The following MMP16 variants were observed in gnomAD, a reference collection of about 807,000 sequenced individuals.
The protein encoded by MMP16 is matrix metalloproteinase-16.
Under a neutral mutation model 67.8 loss-of-function variants are expected in MMP16, and 12 were observed. That is an observed-to-expected ratio of 0.18 (90% CI 0.11 to 0.29). The LOEUF is 0.29. Among genes scored for constraint, MMP16 ranks in the 10% least tolerant of loss-of-function variants. MMP16 has a pLI of 1.00. For missense variants in MMP16, 475 were observed against 765.7 expected (o/e 0.62, Z 4.48); for synonymous variants, 249 against 255.9 (o/e 0.97, Z 0.26).
At chr8:88,196,677 C>T (rs911188645) in intron 2 of MMP16, among the ~76,000 whole-genome samples, 1 of 152,148 alleles carries the variant, frequency 6.6e-6, no homozygotes, top group African/African-American at 2.4e-5. Flanking sequence ...AAACTGTTAA[C>T]TGGCTCTCTG....
At chr8:88,086,456 T>C (rs541653052) in intron 6 of MMP16, among the ~76,000 whole-genome samples, 3 of 152,022 alleles carry the variant, frequency 2.0e-5, no homozygotes, top group South Asian at 2.1e-4. Context: ...TTCAAAAATA[T>C]GAACTCTTTG....
intron 6 of MMP16, among the ~76,000 whole-genome samples, 200 bp from the exon 7 acceptor site, chr8:88,074,943 A>G (rs1187036865): frequency 2.0e-5 from 3 of 152,194 alleles, no homozygotes; most frequent in Non-Finnish European, 2.9e-5. Context: ...TCTAAGCCAT[A>G]CAGTGTGATT....
At chr8:88,250,677 A>C (rs1164181236) in intron 1 of MMP16, among the ~76,000 whole-genome samples, 1 of 151,954 alleles carries the variant, frequency 6.6e-6, no homozygotes, top group East Asian at 1.9e-4. Context: ...AATATATATA[A>C]GTTTCATTAA....
intron 2 of MMP16, among the ~76,000 whole-genome samples, chr8:88,193,277 T>C (rs1018402779): frequency 1.3e-5 from 2 of 152,130 alleles, no homozygotes; most frequent in African/African-American, 2.4e-5. Context: ...TTGGAAGACA[T>C]TATGTTAAGT....
At chr8:88,140,981 C>A (rs1008836969) in intron 4 of MMP16, among the ~76,000 whole-genome samples, 1 of 152,008 alleles carries the variant, frequency 6.6e-6, no homozygotes, top group East Asian at 1.9e-4. Flanking sequence ...TAGTCCTTCC[C>A]AGTTTATCAA....
chr8:88,100,508 A>G (rs1458574667), intron 6 of MMP16, among the ~76,000 whole-genome samples: 1 of 152,040 alleles, frequency 6.6e-6, no homozygotes, highest in Non-Finnish European at 1.5e-5. Flanking sequence ...GAGAAATAGA[A>G]ACACTTTTAC....
At chr8:88,199,379 T>C (rs1809305131) in intron 1 of MMP16, among the ~76,000 whole-genome samples, 1 of 152,062 alleles carries the variant, frequency 6.6e-6, no homozygotes, top group African/African-American at 2.4e-5. Flanking sequence ...ACACTGTCAC[T>C]TATGAAAGGG....
At chr8:88,111,054 A>G (rs188920745) in intron 6 of MMP16, among the ~76,000 whole-genome samples, 222 of 151,768 alleles carry the variant, frequency 1.5e-3, no homozygotes, top group South Asian at 2.5e-3. Flanking sequence ...TGTGGAGCAT[A>G]CAGCAAATGG....
At chr8:88,254,842 T>C (rs538302018) in intron 1 of MMP16, among the ~76,000 whole-genome samples, 3 of 152,292 alleles carry the variant, frequency 2.0e-5, no homozygotes, top group South Asian at 2.1e-4. Flanking sequence ...AAACTGTGTA[T>C]GTTACTTAAC....
intron 6 of MMP16, among the ~76,000 whole-genome samples, chr8:88,079,620 C>G (rs1467482302): frequency 6.6e-6 from 1 of 152,114 alleles, no homozygotes; most frequent in Non-Finnish European, 1.5e-5. Context: ...CTTGGCTGCC[C>G]TCTGACTGAA....
chr8:88,212,195 T>C (rs899250165), intron 1 of MMP16, among the ~76,000 whole-genome samples: 1 of 152,142 alleles, frequency 6.6e-6, no homozygotes, highest in Non-Finnish European at 1.5e-5. Context: ...GAGGTAATGG[T>C]GTGTGGTGGG....
At chr8:88,257,478 T>C (rs961882366) in intron 1 of MMP16, among the ~76,000 whole-genome samples, 1 of 152,242 alleles carries the variant, frequency 6.6e-6, no homozygotes, top group African/African-American at 2.4e-5. Flanking sequence ...AGTTTACAAT[T>C]ACTTTTGCCT....
chr8:88,116,127 G>C lies in MMP16; in HGVS notation c.1083+380C>G, dbSNP rs1363169092. ...AATGAAATTACAGGGATCTCATAAA[G>C]ATATGTAAACCAAAGATACAATAGC... is the stretch of plus-strand genomic sequence containing the variant. On this transcript the variant is annotated intron_variant, in intron 6 of 9. Coordinates refer to ENST00000286614, the MANE Select transcript of MMP16 (RefSeq NM_005941.5). Among the ~76,000 whole-genome samples, 5 of 152,000 alleles carry C rather than the reference G, an allele frequency of 3.3e-5. No homozygotes were observed. The East Asian group carries it at 9.7e-4, about 29-fold the overall frequency.
At chr8:88,313,378 A>G (rs1447388565) in intron 1 of MMP16, among the ~76,000 whole-genome samples, 1 of 152,164 alleles carries the variant, frequency 6.6e-6, no homozygotes, top group Non-Finnish European at 1.5e-5. Flanking sequence ...CTGTATTTTC[A>G]GGATGCTTCT....
intron 1 of MMP16, among the ~76,000 whole-genome samples, chr8:88,297,657 T>C (rs1204881832): frequency 6.6e-6 from 1 of 152,200 alleles, no homozygotes; most frequent in Non-Finnish European, 1.5e-5. Flanking sequence ...TACTGTGCAG[T>C]AGTATCACAA....
chr8:88,231,513 T>C lies in MMP16; in HGVS notation c.133-34207A>G, dbSNP rs768762093. Among the ~76,000 whole-genome samples, 46 of 152,220 alleles carry C rather than the reference T, an allele frequency of 3.0e-4. No individual in the cohort carries two copies. In the Middle Eastern group the frequency reaches 0.014, roughly 45 times the overall value. On this transcript the variant is annotated intron_variant, in intron 1 of 9. Transcript: ENST00000286614. ...AGGACCTATCCACCCAGTCTAGAAA[T>C]GAAAGTCCAGCAGTGGCAGAAAGCA...
chr8:88,197,013 G>A, intron 2 of MMP16, 145 bp downstream of exon 2: 1 of 699,218 alleles, frequency 1.4e-6, no homozygotes, highest in Non-Finnish European at 2.3e-6. Context: ...TGGAGGAGTG[G>A]GGTTAAATTA....
chr8:88,227,272 A>T (rs1270757299), intron 1 of MMP16, among the ~76,000 whole-genome samples: 1 of 152,106 alleles, frequency 6.6e-6, no homozygotes, highest in African/African-American at 2.4e-5. Flanking sequence ...GATTTAAAGG[A>T]TCAAATATAA....
intron 1 of MMP16, among the ~76,000 whole-genome samples, chr8:88,279,050 C>T (rs1810692068): frequency 6.6e-6 from 1 of 151,850 alleles, no homozygotes; most frequent in African/African-American, 2.4e-5. Context: ...GATGAAACCC[C>T]ATCTCTACTA....
Sources: allele counts gnomAD v4.1 joint callset (sites outside exome capture counted in the v4.1 genomes callset), GRCh38; gene constraint gnomAD v4.1.1; transcripts MANE v1.5; gene names NCBI Gene and HGNC (gene_info 2026-07-23, HGNC 2026-07-21).